Variants in OPHN1 observed in about 807,000 individuals in gnomAD.
OPHN1 encodes the protein oligophrenin 1.
OPHN1 carries 11 observed loss-of-function variants against 60.7 expected under a neutral mutation model. The observed-to-expected ratio is 0.18, with a 90% CI of 0.11 to 0.30. The LOEUF is 0.30. Among genes scored for constraint, OPHN1 ranks in the 10% least tolerant of loss-of-function variants. The pLI is 1.00. For missense variants in OPHN1, 449 were observed against 611.0 expected (o/e 0.73, Z 2.80); for synonymous variants, 226 against 222.6 (o/e 1.02, Z -0.14).
At chrX:68,316,620 G>A (rs1779500394) in intron 2 of OPHN1, among the ~76,000 whole-genome samples, 1 of 111,098 alleles carries the variant, frequency 9.0e-6, no homozygotes, top group South Asian at 3.8e-4. Flanking sequence ...CTTGGTTCCT[G>A]ACCAAAGATT....
At chrX:68,208,717 C>T (rs1478485976) in intron 9 of OPHN1, among the ~76,000 whole-genome samples, 1 of 111,966 alleles carries the variant, frequency 8.9e-6, no homozygotes, top group East Asian at 2.8e-4. Flanking sequence ...GATCACACAG[C>T]ATACAGCAGT....
intron 5 of OPHN1, among the ~76,000 whole-genome samples, chrX:68,255,739 AAAC>A (rs1239610978): frequency 3.6e-5 from 4 of 109,735 alleles, no homozygotes; most frequent in African/African-American, 1.3e-4. Flanking sequence ...ACACACACAC[AAAC>A]ACACACACAC....
intron 2 of OPHN1, among the ~76,000 whole-genome samples, chrX:68,412,956 G>T (rs1474490736): frequency 9.0e-6 from 1 of 111,560 alleles, no homozygotes; most frequent in African/African-American, 3.3e-5. Context: ...TGAAGGTACT[G>T]CAGATGTCAG....
At chrX:68,317,503 G>A (rs2078210534) in intron 2 of OPHN1, among the ~76,000 whole-genome samples, 1 of 72,201 alleles carries the variant, frequency 1.4e-5, no homozygotes, top group Non-Finnish European at 2.5e-5. Flanking sequence ...GGGAGAGAGG[G>A]AGGGAAAGAG....
chrX:68,182,188 G>T (rs867016140), intron 15 of OPHN1, among the ~76,000 whole-genome samples: 11 of 46,120 alleles, frequency 2.4e-4, no homozygotes, highest in South Asian at 4.5e-3. Flanking sequence ...AAGCTCTGTA[G>T]TTTTTTTTTT....
chrX:68,250,405 T>A (rs1482509287), intron 5 of OPHN1, among the ~76,000 whole-genome samples: 1 of 111,913 alleles, frequency 8.9e-6, no homozygotes, highest in Non-Finnish European at 1.9e-5. Context: ...GTTCACATTT[T>A]AGAGTTGAAA....
chrX:68,123,705 T>G, intron 15 of OPHN1, among the ~76,000 whole-genome samples: 1 of 110,781 alleles, frequency 9.0e-6, no homozygotes, highest in Middle Eastern at 4.8e-3. Flanking sequence ...TTTGCAAACC[T>G]CTTAATAACC....
At chrX:68,069,017 A>C (rs753623780) in intron 20 of OPHN1, among the ~76,000 whole-genome samples, 13 of 112,074 alleles carry the variant, frequency 1.2e-4, no homozygotes, top group African/African-American at 4.2e-4. Flanking sequence ...AAAACCATTA[A>C]ACTGTACGCT....
intron 6 of OPHN1, among the ~76,000 whole-genome samples, chrX:68,232,385 A>G (rs922025751): frequency 5.4e-5 from 6 of 111,679 alleles, no homozygotes; most frequent in African/African-American, 1.6e-4. Flanking sequence ...GAAGCTAGGT[A>G]AAAGCTTCCA....
At chrX:68,224,178 C>T (rs773182470) in intron 6 of OPHN1, among the ~76,000 whole-genome samples, 1 of 111,646 alleles carries the variant, frequency 9.0e-6, no homozygotes, top group South Asian at 3.7e-4. Context: ...AGAAAAATCA[C>T]CAAGATAGAC....
intron 2 of OPHN1, among the ~76,000 whole-genome samples, chrX:68,306,316 C>G (rs2078144996): frequency 8.9e-6 from 1 of 112,378 alleles, no homozygotes; most frequent in African/African-American, 3.2e-5. Context: ...CAAGCTCTCT[C>G]TGCTTTTAGG....
intron 2 of OPHN1, among the ~76,000 whole-genome samples, chrX:68,421,545 C>A (rs2078826504): frequency 1.8e-5 from 2 of 111,359 alleles, no homozygotes; most frequent in Admixed American, 1.9e-4. Flanking sequence ...CTCTTCCTCC[C>A]ACCTAATGAA....
intron 2 of OPHN1, among the ~76,000 whole-genome samples, chrX:68,365,731 G>A (rs761228794): frequency 7.2e-5 from 8 of 110,864 alleles, no homozygotes; most frequent in South Asian, 7.7e-4. Flanking sequence ...CCAACACTGA[G>A]TGGAAATCTA....
chrX:68,188,029 G>A (rs2077471501), intron 15 of OPHN1, among the ~76,000 whole-genome samples: 2 of 112,112 alleles, frequency 1.8e-5, no homozygotes, highest in African/African-American at 6.5e-5. Context: ...TGGTGACATA[G>A]CTGAAAGACT....
Position 68,283,006 on chromosome X carries a change from C to T in OPHN1, c.312+50G>A, listed in dbSNP as rs191283292. ...TCCAAGCATAAAGGAAAGGAAAAAT[C>T]CCCTATATCACCCATGAACTCAGCT... On this transcript the variant is annotated intron_variant, in intron 4 of 24. Coordinates refer to ENST00000355520, the MANE Select transcript of OPHN1 (RefSeq NM_002547.3). 9.5e-5 allele frequency: 94 copies of T among 984,833 alleles called. No homozygotes were observed. In the African/African-American group the frequency reaches 1.7e-3, roughly 18 times the overall value. The allele number at this position is 984,833 out of a possible 1,213,427, so 81.2% of individuals were successfully genotyped here.
At chrX:68,300,172 T>C (rs6418404) in intron 2 of OPHN1, among the ~76,000 whole-genome samples, 37,161 of 110,578 alleles carry the variant, frequency 0.34, 8,099 homozygotes, top group African/African-American at 0.81. Context: ...AGTTTCATCA[T>C]CCTCCTCCAT....
chrX:68,305,110 G>T (rs1201160978), intron 2 of OPHN1, among the ~76,000 whole-genome samples: 1 of 111,486 alleles, frequency 9.0e-6, no homozygotes, highest in East Asian at 2.8e-4. Flanking sequence ...CAGGCTTGGT[G>T]GCTCATTCCT....
intron 2 of OPHN1, among the ~76,000 whole-genome samples, chrX:68,425,809 A>ATTT (rs1247365715): frequency 7.3e-3 from 151 of 20,741 alleles, no homozygotes; most frequent in Non-Finnish European, 0.012. Flanking sequence ...CCTGGACTGG[A>ATTT]TTCTTTTTTT....
At chrX:68,128,612 G>A (rs993795047) in intron 15 of OPHN1, among the ~76,000 whole-genome samples, 3 of 111,390 alleles carry the variant, frequency 2.7e-5, no homozygotes, top group African/African-American at 9.8e-5. Flanking sequence ...TTGTGATCCT[G>A]GATAGAAAGA....
Sources: allele counts gnomAD v4.1 joint callset (sites outside exome capture counted in the v4.1 genomes callset), GRCh38; gene constraint gnomAD v4.1.1; transcripts MANE v1.5; gene names NCBI Gene and HGNC (gene_info 2026-07-23, HGNC 2026-07-21).